The following LRRTM4 variants were observed in gnomAD, a reference collection of about 807,000 sequenced individuals.
LRRTM4 encodes leucine-rich repeat transmembrane neuronal protein 4.
A neutral mutation model predicts 47.6 loss-of-function variants in LRRTM4; 25 were observed. The observed-to-expected ratio is 0.53, with a 90% CI of 0.38 to 0.73. The LOEUF is 0.73. Among genes scored for constraint, LRRTM4 ranks in the 30% least tolerant of loss-of-function variants. The probability of loss-of-function intolerance (pLI) is 0.00; values close to 1 mark genes in which losing one functional copy is unlikely to be tolerated. For missense variants in LRRTM4, 638 were observed against 713.4 expected (o/e 0.89, Z 1.20); for synonymous variants, 311 against 269.5 (o/e 1.15, Z -1.51).
intron 3 of LRRTM4, among the ~76,000 whole-genome samples, chr2:77,141,427 C>T (rs977594021): frequency 2.2e-4 from 32 of 142,482 alleles, no homozygotes; most frequent in Admixed American, 5.3e-4. Flanking sequence ...ACAATGAGAA[C>T]ACTTGGACAC....
chr2:77,231,890 C>T (rs1674976563), intron 3 of LRRTM4, among the ~76,000 whole-genome samples: 1 of 152,182 alleles, frequency 6.6e-6, no homozygotes, highest in South Asian at 2.1e-4. Context: ...GGATGAAAAA[C>T]TGTTTTCTGA....
intron 3 of LRRTM4, among the ~76,000 whole-genome samples, chr2:76,954,576 G>A (rs555226310): frequency 2.8e-4 from 43 of 151,694 alleles, no homozygotes; most frequent in Non-Finnish European, 5.0e-4. Flanking sequence ...GAACAAATAC[G>A]GGAGTTCCAG....
intron 3 of LRRTM4, among the ~76,000 whole-genome samples, chr2:77,170,091 C>T (rs1014540624): frequency 6.6e-6 from 1 of 152,114 alleles, no homozygotes; most frequent in East Asian, 1.9e-4. Flanking sequence ...TGCAAATATG[C>T]TACCTTATGT....
chr2:77,308,698 T>C (rs993344496), intron 3 of LRRTM4, among the ~76,000 whole-genome samples: 1 of 152,182 alleles, frequency 6.6e-6, no homozygotes, highest in East Asian at 1.9e-4. Context: ...CAGCAATCCA[T>C]GTACATTGAC....
intron 3 of LRRTM4, among the ~76,000 whole-genome samples, chr2:76,885,626 C>A (rs549350583): frequency 2.6e-5 from 4 of 152,054 alleles, no homozygotes; most frequent in African/African-American, 9.6e-5. Flanking sequence ...CCACCACGTC[C>A]GGCTAATTGT....
intron 3 of LRRTM4, among the ~76,000 whole-genome samples, chr2:76,787,704 C>G (rs943828311): frequency 1.3e-5 from 2 of 151,944 alleles, no homozygotes; most frequent in Non-Finnish European, 2.9e-5. Context: ...CGGGTTGATT[C>G]TTATCCCATG....
chr2:77,090,255 CT>C (rs1485000745), intron 3 of LRRTM4, among the ~76,000 whole-genome samples: 1 of 152,110 alleles, frequency 6.6e-6, no homozygotes, highest in Non-Finnish European at 1.5e-5. Context: ...GTTAATGCTC[CT>C]TTTTCTTTAT....
chr2:76,907,345 G>A (rs1250485214), intron 3 of LRRTM4, among the ~76,000 whole-genome samples: 2 of 151,406 alleles, frequency 1.3e-5, no homozygotes, highest in Admixed American at 1.3e-4. Context: ...TCAAAGTAGT[G>A]TGTAAAGGGA....
At chr2:77,169,303 A>AG (rs1672980327) in intron 3 of LRRTM4, among the ~76,000 whole-genome samples, 2 of 152,176 alleles carry the variant, frequency 1.3e-5, no homozygotes, top group African/African-American at 4.8e-5. Flanking sequence ...TGTGAACATA[A>AG]TTATATATAT....
intron 3 of LRRTM4, among the ~76,000 whole-genome samples, chr2:76,864,567 GA>G (rs1157415386): frequency 6.6e-6 from 1 of 151,528 alleles, no homozygotes; most frequent in Non-Finnish European, 1.5e-5. Flanking sequence ...TGAGGCAGGG[GA>G]ATTGCTTGAA....
intron 3 of LRRTM4, among the ~76,000 whole-genome samples, chr2:76,956,494 C>T (rs963228986): frequency 6.6e-6 from 1 of 150,960 alleles, no homozygotes; most frequent in Admixed American, 6.6e-5. Context: ...CAGCAAATGC[C>T]TACATTATAA....
chr2:76,988,605 C>A (rs1169260444), intron 3 of LRRTM4, among the ~76,000 whole-genome samples: 1 of 151,750 alleles, frequency 6.6e-6, no homozygotes, highest in East Asian at 1.9e-4. Flanking sequence ...CTTTTAAAAG[C>A]CCCAAATTTT....
At chr2:77,174,761 A>G (rs1673145939) in intron 3 of LRRTM4, among the ~76,000 whole-genome samples, 1 of 151,846 alleles carries the variant, frequency 6.6e-6, no homozygotes, top group African/African-American at 2.4e-5. Context: ...TTGTCATTTA[A>G]CATTAGGTAT....
intron 3 of LRRTM4, among the ~76,000 whole-genome samples, chr2:77,411,615 G>A (rs1243245807): frequency 8.5e-6 from 1 of 117,648 alleles, no homozygotes; most frequent in Non-Finnish European, 1.6e-5. Context: ...ACCATGCCCG[G>A]CTATTTTTTT....
At chr2:77,502,077 A>G (rs538236045) in intron 3 of LRRTM4, among the ~76,000 whole-genome samples, 30 of 151,574 alleles carry the variant, frequency 2.0e-4, no homozygotes, top group Non-Finnish European at 3.8e-4. Context: ...CGAAAACACT[A>G]CCAAAACAGA....
At chr2:76,897,393 T>G (rs1452100177) in intron 3 of LRRTM4, among the ~76,000 whole-genome samples, 1 of 151,998 alleles carries the variant, frequency 6.6e-6, no homozygotes, top group Admixed American at 6.6e-5. Context: ...TATTACCAAC[T>G]CTATTGGGCA....
intron 3 of LRRTM4, among the ~76,000 whole-genome samples, chr2:77,379,542 A>T (rs1373049754): frequency 6.6e-6 from 1 of 152,054 alleles, no homozygotes. Flanking sequence ...TTCTGCTATT[A>T]ATATTTATGT....
At chr2:76,892,125 CTTAG>C (rs1409918712) in intron 3 of LRRTM4, among the ~76,000 whole-genome samples, 2 of 151,428 alleles carry the variant, frequency 1.3e-5, no homozygotes, top group Non-Finnish European at 3.0e-5. Flanking sequence ...TAAGTCCAGT[CTTAG>C]TTATTTTATG....
chr2:76,819,092 G>A (rs923415287), intron 3 of LRRTM4, among the ~76,000 whole-genome samples: 20 of 151,674 alleles, frequency 1.3e-4, no homozygotes, highest in South Asian at 6.2e-4. Flanking sequence ...TTACTTTCCC[G>A]ACAAATGAGG....
Sources: allele counts gnomAD v4.1 joint callset (sites outside exome capture counted in the v4.1 genomes callset), GRCh38; gene constraint gnomAD v4.1.1; transcripts MANE v1.5; gene names NCBI Gene and HGNC (gene_info 2026-07-23, HGNC 2026-07-21).